EMSY: variants seen among roughly 807,000 people sequenced by gnomAD.
EMSY encodes the protein BRCA2-interacting transcriptional repressor EMSY.
Under a neutral mutation model 134.6 loss-of-function variants are expected in EMSY, and 26 were observed. The ratio of observed to expected loss-of-function variants is 0.19; its 90% CI spans 0.14 to 0.27. The LOEUF (loss-of-function observed/expected upper bound fraction) is 0.27, where lower values mean the gene tolerates loss of function less well. Ranked by LOEUF, EMSY falls within the 10% of genes least tolerant of loss-of-function variation. EMSY has a pLI of 1.00. For missense variants in EMSY, 1,305 were observed against 1,611.4 expected, an observed-to-expected ratio of 0.81 and a Z score of 3.26; for synonymous variants, 579 against 577.8, an observed-to-expected ratio of 1.00 and a Z score of -0.03.
rs913881182 is a variant in EMSY, at chr11:76,491,921, A to C, written c.1109-4294A>C. Among the ~76,000 whole-genome samples, 11 of 152,128 alleles carry C rather than the reference A, an allele frequency of 7.2e-5. 1 individual carries two copies. Among genetic ancestry groups the C allele is most frequent in the African/African-American group, 2.7e-4 (11 of 41,418 alleles). On this transcript the variant is annotated intron_variant, in intron 8 of 20. Transcript: ENST00000334736. Reference sequence around the variant, plus strand: ...GGAATTGTTTGGGTAGCTAAGGGGGATGGAAGAGGAAGAAGACCTTGTAGT... The same window carrying C: ...GGAATTGTTTGGGTAGCTAAGGGGGCTGGAAGAGGAAGAAGACCTTGTAGT...
intron 11 of EMSY, among the ~76,000 whole-genome samples, chr11:76,517,714 G>A (rs915152408): frequency 1.3e-5 from 2 of 152,144 alleles, no homozygotes; most frequent in African/African-American, 4.8e-5. Context: ...CATGTATAAT[G>A]TGTTATCCAT....
At chr11:76,485,046 G>A (rs1949126713) in intron 8 of EMSY, among the ~76,000 whole-genome samples, 1 of 152,034 alleles carries the variant, frequency 6.6e-6, no homozygotes. Context: ...GTGAAATTGA[G>A]GCAGTAATTA....
intron 8 of EMSY, among the ~76,000 whole-genome samples, chr11:76,491,920 G>T (rs754461286): frequency 6.6e-6 from 1 of 152,176 alleles, no homozygotes; most frequent in Non-Finnish European, 1.5e-5. Context: ...AGCTAAGGGG[G>T]ATGGAAGAGG....
intron 8 of EMSY, among the ~76,000 whole-genome samples, chr11:76,488,044 A>G (rs1949262141): frequency 6.6e-6 from 1 of 152,114 alleles, no homozygotes; most frequent in African/African-American, 2.4e-5. Context: ...CGTGTTAAAA[A>G]CTCTGAGTAT....
chr11:76,456,118 A>G (rs572814828), intron 4 of EMSY, among the ~76,000 whole-genome samples: 2 of 152,334 alleles, frequency 1.3e-5, no homozygotes, highest in East Asian at 3.9e-4. Flanking sequence ...ACACTAAAGT[A>G]TCTCAGTGAA....
chr11:76,496,527 G>C, intron 9 of EMSY, 58 bp downstream of exon 10: 26 of 1,575,200 alleles, frequency 1.7e-5, no homozygotes, highest in Non-Finnish European at 2.3e-5. Flanking sequence ...AGTTTTTTTA[G>C]TCTTCCAGTC....
intron 8 of EMSY, among the ~76,000 whole-genome samples, chr11:76,476,895 G>A (rs1012738245): frequency 1.3e-5 from 2 of 152,062 alleles, no homozygotes; most frequent in East Asian, 3.9e-4. Flanking sequence ...GGTGGATAGA[G>A]CTACAGTTCT....
intron 9 of EMSY, among the ~76,000 whole-genome samples, chr11:76,498,704 G>T (rs1048600481): frequency 1.6e-4 from 24 of 151,990 alleles, no homozygotes; most frequent in Non-Finnish European, 3.4e-4. Context: ...ATTAATGATG[G>T]TAACTAGCCT....
At chr11:76,468,607 A>G (rs1459392206) in intron 7 of EMSY, among the ~76,000 whole-genome samples, 2 of 152,236 alleles carry the variant, frequency 1.3e-5, no homozygotes, top group Non-Finnish European at 2.9e-5. Context: ...CAAATCCTGT[A>G]TAAGGCAACT....
At chr11:76,479,983 G>T (rs1391297710) in intron 8 of EMSY, among the ~76,000 whole-genome samples, 2 of 152,180 alleles carry the variant, frequency 1.3e-5, no homozygotes, top group Non-Finnish European at 2.9e-5. Flanking sequence ...CAGGCCATTT[G>T]CAGAAATTTA....
chr11:76,507,299 A>T (rs562918963), intron 9 of EMSY, among the ~76,000 whole-genome samples: 1 of 152,254 alleles, frequency 6.6e-6, no homozygotes, highest in Admixed American at 6.5e-5. Context: ...TGGTTACAGC[A>T]TTTTCTTAAA....
Position 76,519,569 on chromosome 11 carries a change from G to A in EMSY, c.1684+3257G>A, listed in dbSNP as rs559284297. On this transcript the variant is annotated intron_variant, in intron 11 of 20. Coordinates refer to ENST00000334736, the Ensembl canonical transcript of EMSY. Reference sequence around the variant, plus strand: ...TTTAATTCTCCTAATCTTTAGTACAGTGTCCAGGAAAGGAGCTATTGTTTT... The same window carrying A: ...TTTAATTCTCCTAATCTTTAGTACAATGTCCAGGAAAGGAGCTATTGTTTT... 4.6e-5 allele frequency among the ~76,000 whole-genome samples: 7 copies of A among 152,196 alleles called. No homozygotes were observed. The South Asian group carries it at 1.0e-3, about 23-fold the overall frequency.
intron 9 of EMSY, among the ~76,000 whole-genome samples, chr11:76,512,739 A>G (rs1950322194): frequency 6.6e-6 from 1 of 151,280 alleles, no homozygotes; most frequent in Admixed American, 6.6e-5. Flanking sequence ...AAAAAAAACC[A>G]TAAATCACCA....
chr11:76,470,100 T>C (rs781737728), intron 7 of EMSY, among the ~76,000 whole-genome samples: 23 of 152,300 alleles, frequency 1.5e-4, no homozygotes, highest in Admixed American at 7.8e-4. Flanking sequence ...AATAACAATG[T>C]TATGGTCCGA....
intron 15 of EMSY, 104 bp downstream of exon 16, chr11:76,536,163 T>C (rs1951218517): frequency 4.1e-6 from 3 of 734,068 alleles, no homozygotes; most frequent in African/African-American, 3.7e-5. Flanking sequence ...TATTTATTAT[T>C]ATTATTGCTA....
At chr11:76,460,565 A>C (rs1423666413) in intron 6 of EMSY, 2 of 152,002 alleles carry the variant, frequency 1.3e-5, no homozygotes, top group Non-Finnish European at 2.9e-5. Context: ...TTTTGTTTGT[A>C]GTTTTTAATT....
At chr11:76,469,696 G>A (rs145741274) in intron 7 of EMSY, among the ~76,000 whole-genome samples, 1 of 152,122 alleles carries the variant, frequency 6.6e-6, no homozygotes, top group African/African-American at 2.4e-5. Context: ...TGCAAGGTAG[G>A]TATTATTATC....
intron 9 of EMSY, among the ~76,000 whole-genome samples, chr11:76,512,239 T>A (rs1950303657): frequency 6.6e-6 from 1 of 152,204 alleles, no homozygotes; most frequent in Non-Finnish European, 1.5e-5. Flanking sequence ...GGAAATTTTA[T>A]TTTAACCCTT....
intron 19 of EMSY, 106 bp from the exon 21 acceptor site, chr11:76,545,691 C>A: frequency 5.2e-6 from 7 of 1,337,448 alleles, no homozygotes; most frequent in Non-Finnish European, 7.2e-6. Flanking sequence ...AACTGTCTTC[C>A]TAGTATAGCG....
Sources: gnomAD v4.1 joint callset for allele counts (sites outside exome capture counted in the v4.1 genomes callset) on GRCh38, gnomAD v4.1.1 for gene constraint, MANE v1.5 for transcripts, NCBI Gene and HGNC (gene_info 2026-07-23, HGNC 2026-07-21) for gene names.